Variants in MAP2K5 observed in about 807,000 individuals in gnomAD.
MAP2K5 encodes the protein mitogen-activated protein kinase kinase 5.
In MAP2K5, 49 loss-of-function variants were observed where a neutral mutation model predicts 83.1. The observed-to-expected ratio is 0.59, with a 90% CI of 0.47 to 0.75. The LOEUF (loss-of-function observed/expected upper bound fraction) is 0.75. Ranked by LOEUF, MAP2K5 falls within the 30% of genes least tolerant of loss-of-function variation. The probability of loss-of-function intolerance (pLI) is 0.00; values close to 1 mark genes in which losing one functional copy is unlikely to be tolerated. For synonymous variants in MAP2K5, 202 were observed against 191.8 expected (o/e 1.05, Z -0.44); for missense variants, 457 against 557.5 (o/e 0.82, Z 1.82).
intron 11 of MAP2K5, among the ~76,000 whole-genome samples, chr15:67,647,953 T>G (rs2086866092): frequency 6.6e-6 from 1 of 152,080 alleles, no homozygotes; most frequent in South Asian, 2.1e-4. Flanking sequence ...GGTGGGAGGA[T>G]TGCTTGAGCC....
In MAP2K5 at chr15:67,698,640, A is replaced by G. The variant is rs2141210033; in HGVS notation, c.973-4697A>G. The stretch of plus-strand genomic sequence containing the variant: ...TGCTATGATTAACTGAAGTTTTAAA[A>G]TGAAAAAATCTTACTCAAATACTTG... On this transcript the variant is annotated intron_variant, in intron 15 of 21. Transcript: ENST00000178640. The surrounding 1 kb of genome is among the most constrained non-coding windows in gnomAD (Gnocchi z 4.5). 6.6e-6 allele frequency among the ~76,000 whole-genome samples: 1 copy of G among 152,376 alleles called. No individual in the cohort carries two copies. The highest frequency in any genetic ancestry group is 1.5e-5 in the Non-Finnish European group (1 of 68,026).
At chr15:67,639,210 T>A (rs1445868319) in intron 9 of MAP2K5, among the ~76,000 whole-genome samples, 3 of 152,004 alleles carry the variant, frequency 2.0e-5, no homozygotes, top group Admixed American at 6.6e-5. Context: ...GGGAGAAAAA[T>A]TTTGCGAACT....
At chr15:67,743,277 T>G (rs771656872) in intron 17 of MAP2K5, among the ~76,000 whole-genome samples, 4 of 152,222 alleles carry the variant, frequency 2.6e-5, no homozygotes, top group Admixed American at 1.3e-4. Flanking sequence ...TATAACCTAC[T>G]GAGTAGCTGC....
Position 67,719,143 on chromosome 15 carries a change from G to T in MAP2K5, c.1045-8773G>T, listed in dbSNP as rs919933325. ...TTAATTCTAATCTTTTTCTTCCTTG[G>T]CAACCTTTTAATCTTTAATAAGAAA... On this transcript the variant is annotated intron_variant, in intron 16 of 21. Coordinates refer to ENST00000178640, the MANE Select transcript of MAP2K5 (RefSeq NM_145160.3). This position sits in a 1 kb window ranked among gnomAD's most constrained non-coding sequence, Gnocchi z 4.6. 4.0e-5 allele frequency among the ~76,000 whole-genome samples: 6 copies of T among 151,642 alleles called. No individual in the cohort carries two copies. The highest frequency in any genetic ancestry group is 7.4e-5 in the Non-Finnish European group (5 of 67,940).
In MAP2K5 at chr15:67,575,405, A is replaced by G. The variant is rs148115377; in HGVS notation, c.253-5349A>G. On this transcript the variant is annotated intron_variant, in intron 3 of 21. Coordinates refer to ENST00000178640, the MANE Select transcript of MAP2K5 (RefSeq NM_145160.3). ...GGCAGTGGGGGAGTGGTTGTTGCCA[A>G]AGAAAGAGCCAGAGGTCACCTAGGT... Among the ~76,000 whole-genome samples the G allele has an allele frequency of 5.2e-3, 796 of 152,208 alleles. 6 individuals carry two copies. Among genetic ancestry groups the G allele is most frequent in the African/African-American group, 0.018 (765 of 41,534 alleles).
At chr15:67,556,794 C>T (rs1424031421) in intron 2 of MAP2K5, among the ~76,000 whole-genome samples, 1 of 152,104 alleles carries the variant, frequency 6.6e-6, no homozygotes, top group African/African-American at 2.4e-5. Flanking sequence ...CTCAGGTAAT[C>T]CACCTGCCTC....
In MAP2K5 at chr15:67,785,167, A is replaced by G. The variant is rs1391948033; in HGVS notation, c.1242+12415A>G. ...CCCATGTTGCCCAGGCTGGTCTCAA[A>G]CTCCTGACCTCAAGTGATCCGCCTG... On this transcript the variant is annotated intron_variant, in intron 21 of 21. Transcript: ENST00000178640. The surrounding 1 kb of genome is among the most constrained non-coding windows in gnomAD (Gnocchi z 4.4). Among the ~76,000 whole-genome samples, 6 of 152,060 alleles carry G rather than the reference A, an allele frequency of 3.9e-5. No homozygotes were observed. The highest frequency in any genetic ancestry group is 1.4e-4 in the African/African-American group (6 of 41,382).
intron 8 of MAP2K5, 68 bp downstream of exon 8, chr15:67,600,817 G>A (rs2085643370): frequency 1.6e-6 from 2 of 1,212,198 alleles, no homozygotes; most frequent in Non-Finnish European, 2.3e-6. Flanking sequence ...AGTTCTCTGT[G>A]GCAAAGATTT....
rs75642147 is a variant in MAP2K5, at chr15:67,668,148, G to A, written c.847+3503G>A. On this transcript the variant is annotated intron_variant, in intron 13 of 21. Coordinates refer to ENST00000178640, the MANE Select transcript of MAP2K5 (RefSeq NM_145160.3). This position sits in a 1 kb window ranked among gnomAD's most constrained non-coding sequence, Gnocchi z 4.0. ...TTTAAGATTTGGTTGAGATATATGTGCAGGGACTTTATAAACTATTGAATG... is the reference window on the plus strand; with the variant it reads ...TTTAAGATTTGGTTGAGATATATGTACAGGGACTTTATAAACTATTGAATG... Among the ~76,000 whole-genome samples, 225 of 152,248 alleles carry A rather than the reference G, an allele frequency of 1.5e-3. No homozygotes were observed. Among genetic ancestry groups the A allele is most frequent in the African/African-American group, 5.1e-3 (210 of 41,558 alleles).
chr15:67,548,779 G>T (rs2084446644), intron 1 of MAP2K5, among the ~76,000 whole-genome samples: 2 of 151,964 alleles, frequency 1.3e-5, no homozygotes, highest in Non-Finnish European at 2.9e-5. Context: ...ATCTTTTATA[G>T]ATGCTTCCTC....
chr15:67,574,008 C>A (rs1400891018), intron 3 of MAP2K5, among the ~76,000 whole-genome samples: 1 of 152,166 alleles, frequency 6.6e-6, no homozygotes, highest in Admixed American at 6.5e-5. Flanking sequence ...TGGAGCCATT[C>A]TTTTATTCCT....
intron 16 of MAP2K5, among the ~76,000 whole-genome samples, chr15:67,716,023 AT>A (rs1193784015): frequency 6.6e-6 from 1 of 152,194 alleles, no homozygotes; most frequent in Non-Finnish European, 1.5e-5. Context: ...TCATATATTC[AT>A]TTGGTCACTC....
At chr15:67,568,278 G>A (rs1165063588) in intron 3 of MAP2K5, among the ~76,000 whole-genome samples, 1 of 152,106 alleles carries the variant, frequency 6.6e-6, no homozygotes, top group Non-Finnish European at 1.5e-5. Context: ...TGACCACAGT[G>A]TACCCTGTCA....
intron 15 of MAP2K5, among the ~76,000 whole-genome samples, chr15:67,695,414 T>C (rs565856616): frequency 1.3e-5 from 2 of 152,314 alleles, no homozygotes; most frequent in African/African-American, 4.8e-5. Context: ...TTAAAGAAAG[T>C]TTATACTTTC....
chr15:67,770,977 T>C lies in MAP2K5; in HGVS notation c.1196+1314T>C, dbSNP rs1053432523. Reference sequence around the variant, plus strand: ...TATTTTTACTCTGAAAACATTTTATTTCCAAAGCATGCCATGTCGGAAAAA... The same window carrying C: ...TATTTTTACTCTGAAAACATTTTATCTCCAAAGCATGCCATGTCGGAAAAA... On this transcript the variant is annotated intron_variant, in intron 20 of 21. Transcript: ENST00000178640. This position sits in a 1 kb window ranked among gnomAD's most constrained non-coding sequence, Gnocchi z 5.0. 3.3e-5 allele frequency among the ~76,000 whole-genome samples: 5 copies of C among 152,190 alleles called. No homozygotes were observed. The highest frequency in any genetic ancestry group is 7.3e-5 in the Non-Finnish European group (5 of 68,034).
At chr15:67,680,119 T>C (rs917658531) in intron 13 of MAP2K5, among the ~76,000 whole-genome samples, 1 of 152,204 alleles carries the variant, frequency 6.6e-6, no homozygotes, top group Non-Finnish European at 1.5e-5. Context: ...CATGATGTTT[T>C]TGAGATGTGT....
At chr15:67,578,698 G>T (rs1596588118) in intron 3 of MAP2K5, among the ~76,000 whole-genome samples, 1 of 152,006 alleles carries the variant, frequency 6.6e-6, no homozygotes, top group Middle Eastern at 3.4e-3. Context: ...TTATAAAAGT[G>T]TATATAGTTT....
At chr15:67,556,591 G>A (rs1273517775) in intron 2 of MAP2K5, among the ~76,000 whole-genome samples, 2 of 139,584 alleles carry the variant, frequency 1.4e-5, no homozygotes, top group African/African-American at 2.7e-5. Context: ...TTGCTCTGTC[G>A]CCTAGGCTGG....
chr15:67,551,054 G>A (rs1424522751), intron 2 of MAP2K5, among the ~76,000 whole-genome samples: 1 of 152,168 alleles, frequency 6.6e-6, no homozygotes, highest in East Asian at 1.9e-4. Context: ...TTATAAGTGT[G>A]AGCCACTGCA....
Sources: gnomAD v4.1 joint callset for allele counts (sites outside exome capture counted in the v4.1 genomes callset) on GRCh38, gnomAD v4.1.1 for gene constraint, Gnocchi (gnomAD v3.1) non-coding constraint, MANE v1.5 for transcripts, NCBI Gene and HGNC (gene_info 2026-07-23, HGNC 2026-07-21) for gene names.